Variants in PARD3 observed in about 807,000 individuals in gnomAD.
PARD3 encodes partitioning defective 3 homolog.
Under a neutral mutation model 155.4 loss-of-function variants are expected in PARD3, and 75 were observed. That is an observed-to-expected ratio of 0.48 (90% CI 0.40 to 0.58). PARD3 has a LOEUF of 0.58. Among genes scored for constraint, PARD3 ranks in the 20% least tolerant of loss-of-function variants. The pLI is 0.00. For missense variants in PARD3, 1,642 were observed against 1,721.7 expected, an observed-to-expected ratio of 0.95 and a Z score of 0.82; for synonymous variants, 576 against 610.5, an observed-to-expected ratio of 0.94 and a Z score of 0.83.
intron 22 of PARD3, among the ~76,000 whole-genome samples, chr10:34,176,277 C>T (rs614299): frequency 0.23 from 35,570 of 151,924 alleles, 4,297 homozygotes; most frequent in Middle Eastern, 0.35. Flanking sequence ...AATAAAATGG[C>T]AGTCACTGAC....
intron 21 of PARD3, among the ~76,000 whole-genome samples, chr10:34,270,687 C>A (rs1589007769): frequency 6.6e-6 from 1 of 152,148 alleles, no homozygotes; most frequent in East Asian, 1.9e-4. Flanking sequence ...GAATCCACAC[C>A]ATAACTCTTC....
intron 3 of PARD3, among the ~76,000 whole-genome samples, chr10:34,473,720 C>A (rs2078514185): frequency 6.6e-6 from 1 of 152,172 alleles, no homozygotes; most frequent in Non-Finnish European, 1.5e-5. Context: ...ACTGCCATGG[C>A]AACACCTAGG....
intron 22 of PARD3, among the ~76,000 whole-genome samples, chr10:34,263,454 T>G (rs1330236981): frequency 2.0e-5 from 3 of 151,944 alleles, no homozygotes; most frequent in Admixed American, 2.0e-4. Flanking sequence ...CCCAGGAGTT[T>G]GAGACCAGCC....
intron 2 of PARD3, among the ~76,000 whole-genome samples, chr10:34,652,597 G>T (rs183639498): frequency 6.6e-6 from 1 of 152,032 alleles, no homozygotes; most frequent in African/African-American, 2.4e-5. Context: ...CGGATGGATC[G>T]GCCTCACATA....
rs1261893952 is a variant in PARD3 at position 34,410,124 on chromosome 10, TA to T, written c.715-8208del. On this transcript the variant is annotated intron_variant, in intron 5 of 24. Coordinates refer to ENST00000374788, the MANE Select transcript of PARD3 (RefSeq NM_001184785.2). ...TCAACACCACCCTCTAGATAAATTT[TA>T]AAAAGAAAATGGGAATTTGGTAACA... Among the ~76,000 whole-genome samples the T allele has an allele frequency of 4.6e-5, 7 of 152,264 alleles. No homozygotes were observed. The East Asian group carries it at 7.7e-4, about 17-fold the overall frequency.
chr10:34,605,553 ATATCTCCTATATATATATATATCTCC>A (rs1564405166), intron 2 of PARD3, among the ~76,000 whole-genome samples: 45 of 73,094 alleles, frequency 6.2e-4, no homozygotes, highest in African/African-American at 1.5e-3. Flanking sequence ...ATATATATAT[ATATCTCCTATATATATATATATCTCC>A]TATATATATC....
At chr10:34,503,040 C>G (rs1007626072) in intron 3 of PARD3, among the ~76,000 whole-genome samples, 1 of 151,482 alleles carries the variant, frequency 6.6e-6, no homozygotes, top group African/African-American at 2.4e-5. Context: ...ATTCCCAACT[C>G]CCTTATTCTG....
At chr10:34,555,971 A>T (rs1202113402) in intron 2 of PARD3, among the ~76,000 whole-genome samples, 1 of 152,248 alleles carries the variant, frequency 6.6e-6, no homozygotes, top group Non-Finnish European at 1.5e-5. Context: ...TGGAGGTAGG[A>T]CAGAGAGAGA....
chr10:34,210,778 T>C (rs1261224335), intron 22 of PARD3, among the ~76,000 whole-genome samples: 1 of 152,142 alleles, frequency 6.6e-6, no homozygotes, highest in Non-Finnish European at 1.5e-5. Flanking sequence ...ATGTAATTTC[T>C]AGGAAAACTA....
chr10:34,364,605 T>A (rs999527967), intron 12 of PARD3, among the ~76,000 whole-genome samples: 1 of 152,180 alleles, frequency 6.6e-6, no homozygotes, highest in South Asian at 2.1e-4. Flanking sequence ...ACTAACTTTT[T>A]CTCTTTTTTG....
chr10:34,453,477 C>T (rs1175075026), intron 4 of PARD3, among the ~76,000 whole-genome samples: 1 of 152,138 alleles, frequency 6.6e-6, no homozygotes, highest in Non-Finnish European at 1.5e-5. Context: ...ATGTGGATGA[C>T]TTTTTCATGA....
Position 34,111,114 on chromosome 10 carries a change from C to A in PARD3, c.*55G>T. On this transcript the variant is annotated 3_prime_UTR_variant, in exon 25 of 25. Coordinates refer to ENST00000374788, the MANE Select transcript of PARD3 (RefSeq NM_001184785.2). ...TTAAAAAAACTCCCAAAATACAAGT[C>A]TTCATAGGAAAATGTCTTTTATTGC... 1.3e-6 allele frequency: 2 copies of A among 1,503,960 alleles called. No homozygotes were observed. Among genetic ancestry groups the A allele is most frequent in the South Asian group, 1.4e-5 (1 of 71,864 alleles). 93.2% of individuals were successfully genotyped at this position (1,503,960 alleles called of 1,614,324 possible).
chr10:34,361,220 A>G (rs1300213713), intron 12 of PARD3, among the ~76,000 whole-genome samples: 2 of 152,220 alleles, frequency 1.3e-5, no homozygotes, highest in African/African-American at 4.8e-5. Context: ...CTCTTGCTCC[A>G]ACCACATAAC....
rs1237621429 is a variant in PARD3, at chr10:34,365,536, T to C, written c.1708-5277A>G. ...GACATTTATTAACAATAATAGGATA[T>C]GTGGCTGGGACATGATACATATTAG... On this transcript the variant is annotated intron_variant, in intron 12 of 24. Coordinates refer to ENST00000374788, the MANE Select transcript of PARD3 (RefSeq NM_001184785.2). Among the ~76,000 whole-genome samples the C allele has an allele frequency of 2.0e-5, 3 of 152,296 alleles. No homozygotes were observed. The East Asian group carries it at 5.8e-4, about 29-fold the overall frequency.
At chr10:34,460,645 A>G (rs892457446) in intron 4 of PARD3, among the ~76,000 whole-genome samples, 3 of 152,064 alleles carry the variant, frequency 2.0e-5, no homozygotes, top group African/African-American at 7.3e-5. Flanking sequence ...CATCCTGACT[A>G]ACACGGTGAA....
intron 1 of PARD3, among the ~76,000 whole-genome samples, chr10:34,741,835 T>C (rs2095024516): frequency 6.6e-6 from 1 of 152,214 alleles, no homozygotes; most frequent in Non-Finnish European, 1.5e-5. Context: ...CAAAAGTTGA[T>C]AAAGTACTTC....
At chr10:34,686,760 A>C (rs2093959771) in intron 2 of PARD3, among the ~76,000 whole-genome samples, 1 of 151,648 alleles carries the variant, frequency 6.6e-6, no homozygotes, top group Admixed American at 6.6e-5. Flanking sequence ...AAGAAAAAAA[A>C]AAGCCAGGCC....
At position 34,158,745 on chromosome 10, in the gene PARD3, G is replaced by A. The variant is rs539364111; in HGVS notation, c.3420-27162C>T. Reference sequence around the variant, plus strand: ...CTGTGGTTACCACTAGCTACAAGTGGCTATTAAGCACTTGATGTGTGACTA... The same window carrying A: ...CTGTGGTTACCACTAGCTACAAGTGACTATTAAGCACTTGATGTGTGACTA... On this transcript the variant is annotated intron_variant, in intron 22 of 24. Coordinates refer to ENST00000374788, the MANE Select transcript of PARD3 (RefSeq NM_001184785.2). 1.5e-3 allele frequency among the ~76,000 whole-genome samples: 236 copies of A among 152,282 alleles called. 2 individuals carry two copies. The highest frequency in any genetic ancestry group is 4.2e-3 in the South Asian group (20 of 4,818).
chr10:34,491,149 G>A (rs1426921558), intron 3 of PARD3, among the ~76,000 whole-genome samples: 1 of 152,194 alleles, frequency 6.6e-6, no homozygotes, highest in Non-Finnish European at 1.5e-5. Flanking sequence ...CAGCTCCTCA[G>A]TTACCCTTGC....
Sources: gnomAD v4.1 joint callset for allele counts (sites outside exome capture counted in the v4.1 genomes callset) on GRCh38, gnomAD v4.1.1 for gene constraint, MANE v1.5 for transcripts, NCBI Gene and HGNC (gene_info 2026-07-23, HGNC 2026-07-21) for gene names.